CNOT6: variants seen among roughly 807,000 people sequenced by gnomAD.
CNOT6 encodes CCR4-NOT transcription complex subunit 6.
Under a neutral mutation model 61.2 loss-of-function variants are expected in CNOT6, and 12 were observed. The observed-to-expected ratio is 0.20, with a 90% confidence interval of 0.13 to 0.32. CNOT6 has a LOEUF of 0.32. Ranked by LOEUF, CNOT6 falls within the 10% of genes least tolerant of loss-of-function variation. The pLI is 1.00. For synonymous variants in CNOT6, 225 were observed against 240.6 expected (o/e 0.94, Z 0.60); for missense variants, 405 against 663.9 (o/e 0.61, Z 4.28).
At chr5:180,538,913 C>A (rs1053970430) in intron 2 of CNOT6, among the ~76,000 whole-genome samples, 1 of 151,452 alleles carries the variant, frequency 6.6e-6, no homozygotes, top group African/African-American at 2.4e-5. Context: ...CGGTAGCTTA[C>A]GCCTATAATC....
intron 4 of CNOT6, among the ~76,000 whole-genome samples, chr5:180,557,158 T>G (rs1759939738): frequency 6.6e-6 from 1 of 152,230 alleles, no homozygotes; most frequent in Non-Finnish European, 1.5e-5. Flanking sequence ...GAAGGAAATC[T>G]GGGTGGCTTC....
chr5:180,565,412 A>G (rs1372508949), intron 6 of CNOT6, among the ~76,000 whole-genome samples: 1 of 152,226 alleles, frequency 6.6e-6, no homozygotes, highest in Non-Finnish European at 1.5e-5. Context: ...GCATGAATTA[A>G]CAATAGTTGT....
In CNOT6 at chr5:180,522,111, ATCTG is replaced by A. The variant is rs556224429; in HGVS notation, c.-2-7156_-2-7153del. On this transcript the variant is annotated intron_variant, in intron 1 of 11. Transcript: ENST00000261951. ...TCTGGTTTTTTATTTATTTATTTTT[ATCTG>A]TCTGTCTATGTATCTATCTGTCTAT... 7.5e-4 allele frequency among the ~76,000 whole-genome samples: 114 copies of A among 152,054 alleles called. No individual in the cohort carries two copies. The South Asian group carries it at 8.3e-3, about 11-fold the overall frequency.
chr5:180,506,313 TC>T (rs1757130147), intron 1 of CNOT6, among the ~76,000 whole-genome samples: 1 of 152,206 alleles, frequency 6.6e-6, no homozygotes, highest in East Asian at 1.9e-4. Flanking sequence ...CAAACTCGAA[TC>T]AGACTTGGGT....
chr5:180,549,371 C>T (rs889786111), intron 2 of CNOT6, among the ~76,000 whole-genome samples: 25 of 152,182 alleles, frequency 1.6e-4, no homozygotes, highest in East Asian at 1.5e-3. Context: ...TAAATTTGGC[C>T]GGGCACAGTG....
At chr5:180,559,288 C>G (rs1231904026) in intron 4 of CNOT6, among the ~76,000 whole-genome samples, 6 of 152,098 alleles carry the variant, frequency 3.9e-5, no homozygotes, top group African/African-American at 1.4e-4. Context: ...TTTTGTGCTT[C>G]TCTTGTTTGG....
At chr5:180,552,841 AT>A (rs1002902572) in intron 3 of CNOT6, among the ~76,000 whole-genome samples, 2 of 150,906 alleles carry the variant, frequency 1.3e-5, no homozygotes, top group Non-Finnish European at 3.0e-5. Flanking sequence ...AGCTGCTGTT[AT>A]TTTTTAAATG....
In CNOT6 at chr5:180,499,017, C is replaced by T. The variant is rs556336762; in HGVS notation, c.-3+4254C>T. On this transcript the variant is annotated intron_variant, in intron 1 of 11. Coordinates refer to ENST00000261951, the MANE Select transcript of CNOT6 (RefSeq NM_001370472.1). ...TGTTGGCCAGGCTGGCTTTAAACTCCTGACCTCAAGTGATCTGCCCACCTT... is the reference window on the plus strand; with the variant it reads ...TGTTGGCCAGGCTGGCTTTAAACTCTTGACCTCAAGTGATCTGCCCACCTT... Among the ~76,000 whole-genome samples the T allele has an allele frequency of 2.7e-4, 41 of 152,274 alleles. No homozygotes were observed. The South Asian group carries it at 5.4e-3, about 20-fold the overall frequency.
chr5:180,553,208 C>T (rs894536491), intron 3 of CNOT6, among the ~76,000 whole-genome samples, 178 bp from the exon 4 acceptor site: 3 of 151,770 alleles, frequency 2.0e-5, no homozygotes, highest in Admixed American at 1.3e-4. Context: ...TTCTTGTATT[C>T]TCTGGCAGTT....
chr5:180,514,293 G>C (rs1308607218), intron 1 of CNOT6, among the ~76,000 whole-genome samples: 1 of 152,094 alleles, frequency 6.6e-6, no homozygotes, highest in Non-Finnish European at 1.5e-5. Flanking sequence ...GTGTTGGGGG[G>C]CGCCTGTAAT....
At chr5:180,511,888 CTA>C (rs1472873256) in intron 1 of CNOT6, among the ~76,000 whole-genome samples, 1 of 152,244 alleles carries the variant, frequency 6.6e-6, no homozygotes, top group East Asian at 1.9e-4. Flanking sequence ...TGCTGAGTAA[CTA>C]GGATTACCGG....
At chr5:180,497,368 C>T (rs993284387) in intron 1 of CNOT6, among the ~76,000 whole-genome samples, 1 of 150,336 alleles carries the variant, frequency 6.7e-6, no homozygotes, top group Non-Finnish European at 1.5e-5. Flanking sequence ...AATGCTTAGA[C>T]ATTCCAGTAC....
intron 2 of CNOT6, among the ~76,000 whole-genome samples, chr5:180,533,583 T>A (rs943906146): frequency 6.6e-6 from 1 of 151,754 alleles, no homozygotes; most frequent in African/African-American, 2.4e-5. Flanking sequence ...GCTAACATTT[T>A]AAAAATTTTC....
chr5:180,499,977 C>T (rs1756792521), intron 1 of CNOT6, among the ~76,000 whole-genome samples: 1 of 152,026 alleles, frequency 6.6e-6, no homozygotes, highest in African/African-American at 2.4e-5. Context: ...CAAGCTTTCT[C>T]CCTTCATCTA....
intron 2 of CNOT6, among the ~76,000 whole-genome samples, chr5:180,549,518 CG>C (rs1759489959): frequency 6.6e-6 from 1 of 151,966 alleles, no homozygotes; most frequent in Non-Finnish European, 1.5e-5. Context: ...GGCATGGTGG[CG>C]GGTGCCTGTA....
intron 8 of CNOT6, among the ~76,000 whole-genome samples, chr5:180,567,642 T>A (rs1760530684): frequency 6.6e-6 from 1 of 152,220 alleles, no homozygotes; most frequent in Non-Finnish European, 1.5e-5. Flanking sequence ...TAAAAATATT[T>A]CAAGTTGTTA....
At chr5:180,564,323 C>A (rs1233886171) in intron 4 of CNOT6, among the ~76,000 whole-genome samples, 166 bp from the exon 5 acceptor site, 1 of 152,132 alleles carries the variant, frequency 6.6e-6, no homozygotes, top group Non-Finnish European at 1.5e-5. Flanking sequence ...TGGTATGAAT[C>A]ATTTTTACTT....
chr5:180,520,104 G>A (rs1757816528), intron 1 of CNOT6, among the ~76,000 whole-genome samples: 1 of 152,038 alleles, frequency 6.6e-6, no homozygotes, highest in African/African-American at 2.4e-5. Flanking sequence ...AACGTGCTGG[G>A]ATTATAGGTG....
intron 2 of CNOT6, among the ~76,000 whole-genome samples, chr5:180,535,527 A>T (rs778803444): frequency 1.3e-5 from 2 of 152,176 alleles, no homozygotes; most frequent in African/African-American, 4.8e-5. Flanking sequence ...CTTGGTGTAT[A>T]TATACACTGC....
Sources: gnomAD v4.1 joint callset for allele counts (sites outside exome capture counted in the v4.1 genomes callset) on GRCh38, gnomAD v4.1.1 for gene constraint, MANE v1.5 for transcripts, NCBI Gene and HGNC (gene_info 2026-07-23, HGNC 2026-07-21) for gene names.